The following ERC1 variants were observed in gnomAD, a reference collection of about 807,000 sequenced individuals.
ERC1 encodes the protein ELKS/RAB6-interacting/CAST family member 1.
Under a neutral mutation model 132.0 loss-of-function variants are expected in ERC1, and 56 were observed. That is an observed-to-expected ratio of 0.42 (90% CI 0.34 to 0.53). The LOEUF is 0.53. ERC1 is among the 20% of genes least tolerant of loss of function. The pLI is 0.03. For missense variants in ERC1, 1,202 were observed against 1,349.9 expected (o/e 0.89, Z 1.72); for synonymous variants, 478 against 476.1 (o/e 1.00, Z -0.05).
intron 8 of ERC1, among the ~76,000 whole-genome samples, 180 bp downstream of exon 8, chr12:1,141,967 G>A (rs1262905215): frequency 6.6e-6 from 1 of 152,136 alleles, no homozygotes; most frequent in Non-Finnish European, 1.5e-5. Context: ...TATATATTCA[G>A]TTTTTAAAAA....
At chr12:1,341,747 A>C (rs1281320421) in intron 15 of ERC1, among the ~76,000 whole-genome samples, 1 of 152,180 alleles carries the variant, frequency 6.6e-6, no homozygotes, top group Non-Finnish European at 1.5e-5. Flanking sequence ...CCAACATGGC[A>C]CATGTATACC....
At chr12:1,159,456 G>T (rs1027034155) in intron 8 of ERC1, among the ~76,000 whole-genome samples, 3 of 152,198 alleles carry the variant, frequency 2.0e-5, no homozygotes, top group African/African-American at 7.2e-5. Context: ...ACTTCCTGCT[G>T]TGCGGCCCAG....
Position 1,328,654 on chromosome 12 carries a change from TC to T in ERC1, c.2780+38648del, listed in dbSNP as rs375307708. Among the ~76,000 whole-genome samples, 13 of 151,176 alleles carry T rather than the reference TC, an allele frequency of 8.6e-5. No homozygotes were observed. In the East Asian group the frequency reaches 2.1e-3, roughly 25 times the overall value. On this transcript the variant is annotated intron_variant, in intron 15 of 18. Transcript: ENST00000360905. ...TTCCCCCTCTTGCCTTTTTCCTTTC[TC>T]CCCCCTCCCCTTTTCTCCCTCAGTT...
At chr12:1,016,393 G>C (rs1006297447) in intron 1 of ERC1, among the ~76,000 whole-genome samples, 12 of 152,178 alleles carry the variant, frequency 7.9e-5, no homozygotes, top group Admixed American at 2.6e-4. Context: ...AGTTCATAAA[G>C]AGCTATTATT....
chr12:1,468,585 G>C (rs912409955), intron 18 of ERC1, among the ~76,000 whole-genome samples: 21 of 151,874 alleles, frequency 1.4e-4, no homozygotes, highest in Non-Finnish European at 1.5e-5. Flanking sequence ...CTGGGCAACA[G>C]AGCAAGACCC....
intron 12 of ERC1, among the ~76,000 whole-genome samples, chr12:1,233,242 G>A (rs1443741996): frequency 5.3e-5 from 8 of 151,938 alleles, no homozygotes; most frequent in Admixed American, 2.6e-4. Context: ...AGGCTGAGGC[G>A]GGTGGGTCAC....
intron 2 of ERC1, among the ~76,000 whole-genome samples, chr12:1,059,263 G>A (rs1441877293): frequency 6.6e-6 from 1 of 152,144 alleles, no homozygotes; most frequent in African/African-American, 2.4e-5. Context: ...CTAGATATAA[G>A]AACATGTTGT....
intron 16 of ERC1, among the ~76,000 whole-genome samples, chr12:1,387,904 G>C (rs56168743): frequency 6.6e-6 from 1 of 152,056 alleles, no homozygotes; most frequent in African/African-American, 2.4e-5. Flanking sequence ...TGCCCCTGAA[G>C]GTATTAGGGT....
At chr12:1,313,707 C>A (rs577597546) in intron 15 of ERC1, among the ~76,000 whole-genome samples, 1 of 151,224 alleles carries the variant, frequency 6.6e-6, no homozygotes, top group Non-Finnish European at 1.5e-5. Flanking sequence ...TTTTTTTGCC[C>A]GGGTACGGTG....
At chr12:1,219,233 A>G (rs1245354690) in intron 12 of ERC1, among the ~76,000 whole-genome samples, 1 of 152,096 alleles carries the variant, frequency 6.6e-6, no homozygotes, top group Non-Finnish European at 1.5e-5. Flanking sequence ...TACCAAATTA[A>G]TAATATACAA....
At chr12:1,226,341 A>G (rs1231579404) in intron 12 of ERC1, among the ~76,000 whole-genome samples, 1 of 152,244 alleles carries the variant, frequency 6.6e-6, no homozygotes, top group Non-Finnish European at 1.5e-5. Context: ...ACATGATCTG[A>G]TACATGTATA....
At chr12:1,325,348 G>C (rs1309161885) in intron 15 of ERC1, among the ~76,000 whole-genome samples, 2 of 152,008 alleles carry the variant, frequency 1.3e-5, no homozygotes, top group African/African-American at 4.8e-5. Flanking sequence ...AACCAGTTTC[G>C]AGGTTGAAAA....
intron 13 of ERC1, among the ~76,000 whole-genome samples, chr12:1,252,023 T>C (rs965799184): frequency 2.0e-5 from 3 of 152,180 alleles, no homozygotes; most frequent in Non-Finnish European, 2.9e-5. Context: ...ATAATAGTTA[T>C]ACATATTTAC....
At chr12:1,019,919 A>AT (rs1966085655) in intron 1 of ERC1, among the ~76,000 whole-genome samples, 1 of 148,674 alleles carries the variant, frequency 6.7e-6, no homozygotes. Context: ...TTTTTTTTTT[A>AT]TTTTTAAATT....
At chr12:1,238,702 T>C (rs1478046485) in intron 13 of ERC1, among the ~76,000 whole-genome samples, 1 of 152,200 alleles carries the variant, frequency 6.6e-6, no homozygotes, top group Admixed American at 6.5e-5. Flanking sequence ...TTGTCTTTCT[T>C]ACCCTGCTCA....
At chr12:1,184,798 G>C (rs893520016) in intron 11 of ERC1, among the ~76,000 whole-genome samples, 6 of 152,204 alleles carry the variant, frequency 3.9e-5, no homozygotes, top group Non-Finnish European at 8.8e-5. Flanking sequence ...TGTCGTCCAG[G>C]CTGGAGTGCA....
intron 1 of ERC1, among the ~76,000 whole-genome samples, chr12:1,000,488 A>G (rs1259797942): frequency 8.0e-6 from 1 of 124,242 alleles, no homozygotes; most frequent in South Asian, 2.4e-4. Context: ...CCTGTCTCAG[A>G]AAAAAAAAAA....
intron 1 of ERC1, among the ~76,000 whole-genome samples, chr12:1,025,042 G>C (rs1966842771): frequency 1.3e-5 from 2 of 152,082 alleles, no homozygotes; most frequent in Admixed American, 1.3e-4. Context: ...TTTGAATCAG[G>C]GACTTGAGCA....
chr12:1,276,023 G>A (rs140404129), intron 14 of ERC1, among the ~76,000 whole-genome samples: 244 of 152,208 alleles, frequency 1.6e-3, no homozygotes, highest in African/African-American at 5.6e-3. Context: ...TGTTTTCTAG[G>A]TCGAAAACAA....
Sources: gnomAD v4.1 joint callset for allele counts (sites outside exome capture counted in the v4.1 genomes callset) on GRCh38, gnomAD v4.1.1 for gene constraint, MANE v1.5 for transcripts, NCBI Gene and HGNC (gene_info 2026-07-23, HGNC 2026-07-21) for gene names.